The following OSGEPL1 variants were observed in gnomAD, a reference collection of about 807,000 sequenced individuals.
OSGEPL1 encodes tRNA N6-adenosine threonylcarbamoyltransferase, mitochondrial.
A neutral mutation model predicts 37.2 loss-of-function variants in OSGEPL1; 26 were observed. The observed-to-expected ratio is 0.70, with a 90% CI of 0.51 to 0.97. The LOEUF (loss-of-function observed/expected upper bound fraction) is 0.97, where lower values mean the gene tolerates loss of function less well. Among genes scored for constraint, OSGEPL1 ranks in the 50% least tolerant of loss-of-function variants. OSGEPL1 has a pLI of 0.00. For synonymous variants in OSGEPL1, 140 were observed against 159.9 expected (o/e 0.88, Z 0.94); for missense variants, 404 against 487.0 (o/e 0.83, Z 1.60).
intron 8 of OSGEPL1, 111 bp downstream of exon 8, chr2:189,750,439 A>G (rs2044983222): frequency 2.1e-6 from 1 of 467,044 alleles, no homozygotes. Context: ...AGAGCAGGTA[A>G]AACATCAAAT....
Position 189,752,894 on chromosome 2 carries a change from C to T in OSGEPL1, c.1049G>A (p.Cys350Tyr). ...LTNATQCTLLCPPPRLCTDNG... is the reference protein window; with the variant it reads ...LTNATQCTLLYPPPRLCTDNG... ...ATCAGTGCATAGTCTGGGAGGAGGACACAACAAAGTGCACTGTGTTGCATT... is the reference window on the plus strand; with the variant it reads ...ATCAGTGCATAGTCTGGGAGGAGGATACAACAAAGTGCACTGTGTTGCATT... The change falls in exon 6 of 9, where the codon TGT becomes TAT. Residue 350 changes from cysteine (C) to tyrosine (Y), a missense_variant. By Grantham distance (194) the Cys-to-Tyr change is radical. Transcript: ENST00000264151. 1 of 1,613,844 alleles carries T rather than the reference C, an allele frequency of 6.2e-7. No individual in the cohort carries two copies. The highest frequency in any genetic ancestry group is 2.2e-5 in the East Asian group (1 of 44,868).
At chr2:189,749,779 A>C (rs2044831687) in intron 8 of OSGEPL1, among the ~76,000 whole-genome samples, 1 of 152,226 alleles carries the variant, frequency 6.6e-6, no homozygotes, top group South Asian at 2.1e-4. Context: ...ATAACATATT[A>C]TGTTAGAGAA....
In OSGEPL1 at chr2:189,749,178, G is replaced by A. The variant is rs557559533; in HGVS notation, c.*28+1372C>T. Among the ~76,000 whole-genome samples, 3 of 146,364 alleles carry A rather than the reference G, an allele frequency of 2.0e-5. No individual in the cohort carries two copies. In the East Asian group the frequency reaches 6.1e-4, roughly 30 times the overall value. ...GGAGAATTGCTTGAACCTGGCAGAC[G>A]GAGGTTGCAGTGAGCCGAGATCGAG... On this transcript the variant is annotated intron_variant, in intron 8 of 8. Coordinates refer to ENST00000264151, the MANE Select transcript of OSGEPL1 (RefSeq NM_022353.3).
chr2:189,755,000 AT>A, intron 3 of OSGEPL1, 172 bp downstream of exon 3: 2 of 705,288 alleles, frequency 2.8e-6, no homozygotes, highest in Non-Finnish European at 4.5e-6. Flanking sequence ...AAGGCTAAGA[AT>A]TATAAAATTG....
chr2:189,752,565 T>A (rs938246225), intron 7 of OSGEPL1, 88 bp downstream of exon 7: 4 of 1,244,002 alleles, frequency 3.2e-6, no homozygotes, highest in Admixed American at 1.9e-5. Context: ...CACCAGAATG[T>A]CAATGAAAAC....
chr2:189,748,509 A>G (rs954426097), intron 8 of OSGEPL1, among the ~76,000 whole-genome samples: 4 of 152,242 alleles, frequency 2.6e-5, no homozygotes, highest in African/African-American at 9.6e-5. Flanking sequence ...GCTACCATGC[A>G]AAGTTTGTGT....
Position 189,754,155 on chromosome 2 carries a change from T to A in OSGEPL1, c.800A>T (p.Lys267Met). The change falls in exon 4 of 9, where the codon AAG becomes ATG. Residue 267 changes from lysine (K) to methionine (M), a missense_variant. Physicochemically the swap from Lys to Met is moderately conservative, Grantham distance 95. Transcript: ENST00000264151. Reference sequence around the variant, plus strand: ...TAGAAATATACCTTCCTCTTTTTCCTTTTTCATTATTATTTTATCAGTAAC... The same window carrying A: ...TAGAAATATACCTTCCTCTTTTTCCATTTTCATTATTATTTTATCAGTAAC... Reference protein sequence around the residue: ...QHVTDKIIMKKEKEEGIEKGQ... With the variant: ...QHVTDKIIMKMEKEEGIEKGQ... 6 of 1,613,250 alleles carry A rather than the reference T, an allele frequency of 3.7e-6. No individual in the cohort carries two copies. The highest frequency in any genetic ancestry group is 5.1e-6 in the Non-Finnish European group (6 of 1,179,494).
rs2047060452 is a variant in OSGEPL1, at chr2:189,761,486, G to A, written c.155C>T (p.Ala52Val). 1 of 1,612,822 alleles carries A rather than the reference G, an allele frequency of 6.2e-7. No homozygotes were observed. Among genetic ancestry groups the A allele is most frequent in the East Asian group, 2.2e-5 (1 of 44,728 alleles). Residue 52 changes from alanine (A) to valine (V), a missense_variant, in exon 2 of 9, where the codon GCT becomes GTT. Transcript: ENST00000264151. ...CACATTTCCAGTTTCATCCACCACAGCAGCTGCTGTATCATCACAACTAGT... is the reference window on the plus strand; with the variant it reads ...CACATTTCCAGTTTCATCCACCACAACAGCTGCTGTATCATCACAACTAGT... ...IETSCDDTAAAVVDETGNVLG... is the reference protein window; with the variant it reads ...IETSCDDTAAVVVDETGNVLG...
intron 2 of OSGEPL1, among the ~76,000 whole-genome samples, chr2:189,757,715 A>G (rs1273582853): frequency 1.3e-5 from 2 of 152,202 alleles, no homozygotes; most frequent in African/African-American, 4.8e-5. Flanking sequence ...AGCTGTTCAA[A>G]GGCAAGAGTC....
Position 189,754,020 on chromosome 2 carries a change from C to T in OSGEPL1, c.859G>A (p.Ala287Thr). Reference protein sequence around the residue: ...QILSSAADIAATVQHTMACHL... With the variant: ...QILSSAADIATTVQHTMACHL... The stretch of plus-strand genomic sequence containing the variant: ...CATGCCATTGTGTGCTGTACTGTGG[C>T]AGCAATGTCTGCTGCTGAAGACAGG... The change falls in exon 5 of 9, where the codon GCC becomes ACC. Residue 287 changes from alanine to threonine, a missense_variant. Transcript: ENST00000264151. The T allele has an allele frequency of 6.2e-7, 1 of 1,613,560 alleles. No individual in the cohort carries two copies. The highest frequency in any genetic ancestry group is 8.5e-7 in the Non-Finnish European group (1 of 1,179,778).
chr2:189,753,061 G>T, intron 5 of OSGEPL1, 82 bp from the exon 6 acceptor site: 1 of 1,286,528 alleles, frequency 7.8e-7, no homozygotes, highest in Non-Finnish European at 1.1e-6. Flanking sequence ...AAAAATATCA[G>T]CATTAAACAA....
chr2:189,759,393 C>T lies in OSGEPL1; in HGVS notation c.221+2027G>A, dbSNP rs1174819781. On this transcript the variant is annotated intron_variant, in intron 2 of 8. Transcript: ENST00000264151. ...CCTCCCAAGTAGCTGCGACTACAGG[C>T]GTCCGCCACCACGCCTGGCTAATTT... Among the ~76,000 whole-genome samples the T allele has an allele frequency of 4.6e-5, 7 of 152,260 alleles. 1 individual carries two copies. Among genetic ancestry groups the T allele is most frequent in the Middle Eastern group, 3.4e-3 (1 of 294 alleles).
At chr2:189,755,018 A>T in intron 3 of OSGEPL1, 155 bp downstream of exon 3, 1 of 804,484 alleles carries the variant, frequency 1.2e-6, no homozygotes, top group Non-Finnish European at 1.9e-6. Context: ...ATTGTGTACT[A>T]CTCTTTCTAT....
chr2:189,754,123 T>C lies in OSGEPL1; in HGVS notation c.814+18A>G. On this transcript the variant is annotated intron_variant, in intron 4 of 8. Coordinates refer to ENST00000264151, the MANE Select transcript of OSGEPL1 (RefSeq NM_022353.3). ...CCAGGAATATTTATCTGTTCAACTT[T>C]ACTAATTAGAAATATACCTTCCTCT... 2 of 1,612,392 alleles carry C rather than the reference T, an allele frequency of 1.2e-6. No individual in the cohort carries two copies. The highest frequency in any genetic ancestry group is 1.7e-6 in the Non-Finnish European group (2 of 1,179,018).
intron 8 of OSGEPL1, among the ~76,000 whole-genome samples, chr2:189,749,093 A>C (rs535715829): frequency 6.6e-6 from 1 of 152,078 alleles, no homozygotes; most frequent in South Asian, 2.1e-4. Flanking sequence ...AAAAATACAA[A>C]AAATGAGCTG....
intron 1 of OSGEPL1, 98 bp downstream of exon 1, chr2:189,762,587 C>G: frequency 1.0e-6 from 1 of 985,460 alleles, no homozygotes; most frequent in Non-Finnish European, 1.2e-6. Context: ...TAGCGCTGGT[C>G]TCCTGTCGGC....
intron 3 of OSGEPL1, chr2:189,754,564 G>T (rs184023176): frequency 6.3e-4 from 315 of 499,840 alleles, no homozygotes; most frequent in African/African-American, 5.4e-3. Flanking sequence ...CACTGCCCCT[G>T]TCTATGTTTG....
chr2:189,752,767 T>C, intron 6 of OSGEPL1, 43 bp from the exon 7 acceptor site: 1 of 1,613,454 alleles, frequency 6.2e-7, no homozygotes, highest in Non-Finnish European at 8.5e-7. Context: ...CTCCAAGATC[T>C]GAAGGAAGAA....
chr2:189,746,672 A>AT lies in OSGEPL1; in HGVS notation c.*524dup, dbSNP rs923376587. ...AGGATTCCTGAGCCATCTTTTAAAA[A>AT]TTTTTTTATTTTTAATAATGGTAAT... On this transcript the variant is annotated 3_prime_UTR_variant, in exon 9 of 9. Coordinates refer to ENST00000264151, the MANE Select transcript of OSGEPL1 (RefSeq NM_022353.3). 4.6e-6 allele frequency: 7 copies of AT among 1,518,990 alleles called. No individual in the cohort carries two copies. The highest frequency in any genetic ancestry group is 1.8e-4 in the Middle Eastern group (1 of 5,676). 94.1% of individuals were successfully genotyped at this position (1,518,990 alleles called of 1,614,324 possible). A position where few individuals can be genotyped will look rare whatever the true frequency, so the allele number is the denominator to read the frequency against.
Sources: gnomAD v4.1 joint callset for allele counts (sites outside exome capture counted in the v4.1 genomes callset) on GRCh38, gnomAD v4.1.1 for gene constraint, MANE v1.5 for transcripts, NCBI Gene and HGNC (gene_info 2026-07-23, HGNC 2026-07-21) for gene names.